The following SLC14A2 variants were observed in gnomAD, a reference collection of about 807,000 sequenced individuals.
SLC14A2 encodes solute carrier family 14 member 2, also known as urea transporter 2.
SLC14A2 carries 91 observed loss-of-function variants against 104.6 expected under a neutral mutation model. That is an observed-to-expected ratio of 0.87 (90% CI 0.73 to 1.04). The LOEUF is 1.04. SLC14A2 is among the 50% of genes least tolerant of loss of function. The pLI is 0.00. For synonymous variants in SLC14A2, 476 were observed against 466.4 expected (o/e 1.02, Z -0.27); for missense variants, 1,189 against 1,156.0 (o/e 1.03, Z -0.41).
intron 2 of SLC14A2, among the ~76,000 whole-genome samples, chr18:45,596,006 C>T (rs1342195926): frequency 6.6e-6 from 1 of 152,144 alleles, no homozygotes; most frequent in East Asian, 1.9e-4. Context: ...GTGGTACGGA[C>T]TTCATCCAAG....
chr18:45,548,104 G>A (rs1285598215), intron 2 of SLC14A2, among the ~76,000 whole-genome samples: 3 of 152,174 alleles, frequency 2.0e-5, no homozygotes, highest in Non-Finnish European at 4.4e-5. Context: ...TGGGAGGCAG[G>A]AGTCAAAACA....
At chr18:45,541,935 T>C (rs1230921526) in intron 2 of SLC14A2, among the ~76,000 whole-genome samples, 1 of 151,266 alleles carries the variant, frequency 6.6e-6, no homozygotes, top group Non-Finnish European at 1.5e-5. Flanking sequence ...GAATTAGTAA[T>C]GTTGAAAGAC....
At chr18:45,353,013 T>A (rs940687685) in intron 1 of SLC14A2, among the ~76,000 whole-genome samples, 3 of 152,068 alleles carry the variant, frequency 2.0e-5, no homozygotes, top group African/African-American at 7.2e-5. Flanking sequence ...TGGTTACAGG[T>A]TGGCCTTTGT....
chr18:45,254,641 G>T (rs1446996152), intron 1 of SLC14A2, among the ~76,000 whole-genome samples: 1 of 151,968 alleles, frequency 6.6e-6, no homozygotes, highest in Non-Finnish European at 1.5e-5. Flanking sequence ...ACACTCCCTT[G>T]TCTCTATGTT....
the SLC14A2 span, among the ~76,000 whole-genome samples, chr18:45,188,885 T>C: frequency 6.6e-6 from 1 of 152,090 alleles, no homozygotes; most frequent in Admixed American, 6.6e-5. Context: ...AAAGGCAAGG[T>C]TGGAAATAAA....
chr18:45,374,951 T>C (rs2085758683), intron 1 of SLC14A2, among the ~76,000 whole-genome samples: 1 of 152,194 alleles, frequency 6.6e-6, no homozygotes, highest in Admixed American at 6.6e-5. Context: ...AGAGAGACTC[T>C]TGAACGCACA....
intron 8 of SLC14A2, among the ~76,000 whole-genome samples, chr18:45,642,865 A>G (rs1599107828): frequency 6.6e-6 from 1 of 152,370 alleles, no homozygotes; most frequent in East Asian, 1.9e-4. Context: ...CAAGGCCACT[A>G]TGGAAGCAGG....
chr18:45,606,265 A>G (rs889407236), intron 2 of SLC14A2, among the ~76,000 whole-genome samples: 1 of 152,114 alleles, frequency 6.6e-6, no homozygotes, highest in African/African-American at 2.4e-5. Context: ...CTCATGTAAC[A>G]CTATCTGGTT....
At chr18:45,256,283 G>A (rs1201463050) in intron 1 of SLC14A2, among the ~76,000 whole-genome samples, 1 of 152,350 alleles carries the variant, frequency 6.6e-6, no homozygotes, top group African/African-American at 2.4e-5. Context: ...GGCTGCTACA[G>A]AAGAATGAGG....
rs115765427 is a variant in SLC14A2 at position 45,289,376 on chromosome 18, G to C, written c.-125+76185G>C. ...TCAGTCACCTCCATAGTGGTTCTTT[G>C]AGTCCCCTTGAGGCTGGAATTTAAT... On this transcript the variant is annotated intron_variant, in intron 1 of 20. Coordinates refer to the SLC14A2 transcript ENST00000586448. Among the ~76,000 whole-genome samples the C allele has an allele frequency of 3.7e-3, 558 of 152,106 alleles. 1 individual carries two copies. Among genetic ancestry groups the C allele is most frequent in the African/African-American group, 0.013 (528 of 41,476 alleles).
At chr18:45,396,813 C>T (rs754719449) in intron 1 of SLC14A2, among the ~76,000 whole-genome samples, 25 of 151,960 alleles carry the variant, frequency 1.6e-4, no homozygotes, top group Non-Finnish European at 3.4e-4. Context: ...TGCTCCTCCC[C>T]TTCCTCCCAC....
At chr18:45,273,653 G>A (rs2084673403) in intron 1 of SLC14A2, among the ~76,000 whole-genome samples, 2 of 152,248 alleles carry the variant, frequency 1.3e-5, no homozygotes, top group South Asian at 4.1e-4. Context: ...AATTGGGTGT[G>A]CAAATGAAGT....
chr18:45,327,810 G>T (rs1247435324), intron 1 of SLC14A2, among the ~76,000 whole-genome samples: 1 of 152,072 alleles, frequency 6.6e-6, no homozygotes, highest in Non-Finnish European at 1.5e-5. Flanking sequence ...TGGGTGTGAT[G>T]TATATTTACC....
intron 1 of SLC14A2, among the ~76,000 whole-genome samples, chr18:45,440,775 A>T (rs939858470): frequency 6.6e-6 from 1 of 152,182 alleles, no homozygotes; most frequent in Non-Finnish European, 1.5e-5. Flanking sequence ...GCAACCCAGA[A>T]CACAGAGACA....
At chr18:45,216,400 G>C (rs144685972) in intron 1 of SLC14A2, among the ~76,000 whole-genome samples, 2 of 152,126 alleles carry the variant, frequency 1.3e-5, no homozygotes, top group Non-Finnish European at 2.9e-5. Flanking sequence ...GAGTGAGGCT[G>C]GTCTAGTCTG....
intron 1 of SLC14A2, among the ~76,000 whole-genome samples, chr18:45,334,267 T>C (rs543928852): frequency 6.6e-5 from 10 of 152,324 alleles, no homozygotes; most frequent in African/African-American, 2.4e-4. Flanking sequence ...GCTTTGTCTA[T>C]TGAATGAGAA....
At chr18:45,203,844 T>C in the SLC14A2 span, among the ~76,000 whole-genome samples, 4 of 152,352 alleles carry the variant, frequency 2.6e-5, no homozygotes, top group Admixed American at 2.0e-4. Flanking sequence ...AATTATGCAG[T>C]CTTGCCTACA....
chr18:45,304,628 G>A (rs115912969), intron 1 of SLC14A2, among the ~76,000 whole-genome samples: 183 of 152,320 alleles, frequency 1.2e-3, no homozygotes, highest in African/African-American at 4.2e-3. Flanking sequence ...TATTGGGAAG[G>A]GAGTGATCAT....
intron 2 of SLC14A2, among the ~76,000 whole-genome samples, chr18:45,518,637 A>G (rs989035391): frequency 6.8e-6 from 1 of 147,876 alleles, no homozygotes; most frequent in Non-Finnish European, 1.5e-5. Context: ...GAGTGGCTCA[A>G]ACTGCTGGTG....
Sources: allele counts gnomAD v4.1 joint callset (sites outside exome capture counted in the v4.1 genomes callset), GRCh38; gene constraint gnomAD v4.1.1; transcripts MANE v1.5; gene names NCBI Gene and HGNC (gene_info 2026-07-23, HGNC 2026-07-21).